FLRT3: variants seen among roughly 807,000 people sequenced by gnomAD.
FLRT3 encodes the protein fibronectin leucine rich transmembrane protein 3.
A neutral mutation model predicts 42.6 loss-of-function variants in FLRT3; 17 were observed. That is an observed-to-expected ratio of 0.40 (90% CI 0.27 to 0.60). FLRT3 has a LOEUF of 0.60. Among genes scored for constraint, FLRT3 ranks in the 20% least tolerant of loss-of-function variants. The pLI, the probability that FLRT3 is intolerant of heterozygous loss-of-function variation, is 0.44. For synonymous variants in FLRT3, 279 were observed against 286.4 expected (o/e 0.97, Z 0.26); for missense variants, 635 against 789.2 (o/e 0.80, Z 2.34).
chr20:14,328,549 G>T (rs940739363), intron 2 of FLRT3, among the ~76,000 whole-genome samples: 1 of 152,020 alleles, frequency 6.6e-6, no homozygotes, highest in Non-Finnish European at 1.5e-5. Context: ...GTAATTTTAG[G>T]CATGAAAATA....
rs2082707017 is a variant in FLRT3 at position 14,324,726 on chromosome 20, T to G, written c.*831A>C. On this transcript the variant is annotated 3_prime_UTR_variant, in exon 3 of 3. Coordinates refer to ENST00000341420, the MANE Select transcript of FLRT3 (RefSeq NM_198391.3). ...TGGTATAGGCAAAACCAAAATGCAG[T>G]TTTGGTATTTGTGTTCATTACACTA... 1 of 152,096 alleles carries G rather than the reference T, an allele frequency of 6.6e-6. No homozygotes were observed. Among genetic ancestry groups the G allele is most frequent in the African/African-American group, 2.4e-5 (1 of 41,422 alleles). 9.4% of individuals were successfully genotyped at this position (152,096 alleles called of 1,614,324 possible). A position where few individuals can be genotyped will look rare whatever the true frequency, so the allele number is the denominator to read the frequency against.
rs374171339 is a variant in FLRT3 at position 14,325,706 on chromosome 20, T to G, written c.1801A>C (p.Asn601His). Residue 601 changes from asparagine (N) to histidine (H), a missense_variant, in exon 3 of 3, where the codon AAT becomes CAT. Coordinates refer to ENST00000341420, the MANE Select transcript of FLRT3 (RefSeq NM_198391.3). ...ETSFQMLPISNEPISKEEFVI... is the reference protein window; with the variant it reads ...ETSFQMLPISHEPISKEEFVI... ...AACTCCTCCTTCGAGATGGGTTCATTGCTTATTGGTAACATCTGAAAAGAA... is the reference window on the plus strand; with the variant it reads ...AACTCCTCCTTCGAGATGGGTTCATGGCTTATTGGTAACATCTGAAAAGAA... The G allele has an allele frequency of 2.5e-6, 4 of 1,613,848 alleles. No homozygotes were observed. The African/African-American group carries it at 5.3e-5, about 22-fold the overall frequency.
chr20:14,336,622 C>T (rs775670912), intron 1 of FLRT3, among the ~76,000 whole-genome samples: 3 of 152,214 alleles, frequency 2.0e-5, no homozygotes, highest in Non-Finnish European at 4.4e-5. Flanking sequence ...TTTCCTGCTA[C>T]CCCAAACTCA....
rs2082711479 is a variant in FLRT3 at position 14,325,012 on chromosome 20, G to T, written c.*545C>A. 6.6e-6 allele frequency: 1 copy of T among 152,474 alleles called. No homozygotes were observed. The highest frequency in any genetic ancestry group is 2.4e-5 in the African/African-American group (1 of 41,402). 9.4% of individuals were successfully genotyped at this position (152,474 alleles called of 1,614,324 possible). A position where few individuals can be genotyped will look rare whatever the true frequency, so the allele number is the denominator to read the frequency against. ...TATTGCCCATTACTTCACACATTTT[G>T]ATTTATTGAATACCACTGGGATAAT... On this transcript the variant is annotated 3_prime_UTR_variant, in exon 3 of 3. Coordinates refer to ENST00000341420, the MANE Select transcript of FLRT3 (RefSeq NM_198391.3).
chr20:14,334,835 A>G (rs1421253065), intron 1 of FLRT3, among the ~76,000 whole-genome samples: 5 of 151,936 alleles, frequency 3.3e-5, no homozygotes, highest in Admixed American at 2.0e-4. Context: ...AAAAGAATAT[A>G]TAAGGGGATC....
rs1018839059 is a variant in FLRT3 at position 14,324,092 on chromosome 20, A to G, written c.*1465T>C. 1.3e-5 allele frequency: 2 copies of G among 152,572 alleles called. No individual in the cohort carries two copies. The highest frequency in any genetic ancestry group is 2.9e-5 in the Non-Finnish European group (2 of 68,026). The allele number at this position is 152,572 out of a possible 1,614,324, so 9.5% of individuals were successfully genotyped here. A position where few individuals can be genotyped will look rare whatever the true frequency, so the allele number is the denominator to read the frequency against. On this transcript the variant is annotated 3_prime_UTR_variant, in exon 3 of 3. Coordinates refer to ENST00000341420, the MANE Select transcript of FLRT3 (RefSeq NM_198391.3). ...GTGCTGGGCAATTTGCTACTTAGTG[A>G]TAGTAACACAATCCTGAAAAAGCAA...
rs2082716307 is a variant in FLRT3 at position 14,325,335 on chromosome 20, AG to A, written c.*221del. On this transcript the variant is annotated 3_prime_UTR_variant, in exon 3 of 3. Coordinates refer to ENST00000341420, the MANE Select transcript of FLRT3 (RefSeq NM_198391.3). Reference sequence around the variant, plus strand: ...AAATTACTAAAAAATACTAAAATATAGAATTGTGTTCAGGCATCTCCACTAC... The same window carrying A: ...AAATTACTAAAAAATACTAAAATATAAATTGTGTTCAGGCATCTCCACTAC... 2.4e-6 allele frequency: 1 copy of A among 410,586 alleles called. No homozygotes were observed. The highest frequency in any genetic ancestry group is 4.3e-6 in the Non-Finnish European group (1 of 234,726). The allele number at this position is 410,586 out of a possible 1,614,324, so 25.4% of individuals were successfully genotyped here.
At chr20:14,327,688 G>T (rs1381592652) in intron 2 of FLRT3, 130 bp from the exon 3 acceptor site, 1 of 635,200 alleles carries the variant, frequency 1.6e-6, no homozygotes. Context: ...TTGGGAGGGG[G>T]CATAATAGGG....
At chr20:14,337,297 A>C in intron 1 of FLRT3, 107 bp downstream of exon 1, 1 of 287,700 alleles carries the variant, frequency 3.5e-6, no homozygotes, top group Non-Finnish European at 6.4e-6. Context: ...TGACAGAGCA[A>C]ACGTTCCTAT....
At chr20:14,331,851 GAAAAGA>G (rs2082847781) in intron 1 of FLRT3, among the ~76,000 whole-genome samples, 2 of 152,154 alleles carry the variant, frequency 1.3e-5, no homozygotes, top group South Asian at 4.2e-4. Flanking sequence ...TGTCGATGAT[GAAAAGA>G]AAAATGACCC....
At position 14,326,580 on chromosome 20, in the gene FLRT3, G is replaced by A. The variant is rs762893918; in HGVS notation, c.927C>T (p.Cys309=). Residue 309 remains cysteine (C), a synonymous_variant, in exon 3 of 3, where the codon TGC becomes TGT. Transcript: ENST00000341420. This position sits in a 1 kb window ranked among gnomAD's most constrained non-coding sequence, Gnocchi z 5.5. The part of the protein sequence containing the change: ...QLILRNNPWY[C]GCKMKWVRDW... Reference sequence around the variant, plus strand: ...CACGTACCCATTTCATCTTGCACCCGCAATACCAGGGATTGTTGCGAAGAA... The same window carrying A: ...CACGTACCCATTTCATCTTGCACCCACAATACCAGGGATTGTTGCGAAGAA... 9.3e-6 allele frequency: 15 copies of A among 1,613,728 alleles called. No individual in the cohort carries two copies. The highest frequency in any genetic ancestry group is 2.2e-5 in the East Asian group (1 of 44,868).
At chr20:14,327,847 T>C (rs981833608) in intron 2 of FLRT3, among the ~76,000 whole-genome samples, 5 of 152,102 alleles carry the variant, frequency 3.3e-5, no homozygotes, top group Non-Finnish European at 7.4e-5. Context: ...TAATCCAAAG[T>C]ATTTTAATTA....
At chr20:14,336,347 T>C (rs1256729202) in intron 1 of FLRT3, among the ~76,000 whole-genome samples, 1 of 152,156 alleles carries the variant, frequency 6.6e-6, no homozygotes, top group African/African-American at 2.4e-5. Context: ...TTTTTTCTTT[T>C]AAATTCTAAA....
At position 14,327,226 on chromosome 20, in the gene FLRT3, C is replaced by T; in HGVS notation, c.281G>A (p.Ser94Asn). 1 of 1,613,644 alleles carries T rather than the reference C, an allele frequency of 6.2e-7. No homozygotes were observed. Among genetic ancestry groups the T allele is most frequent in the African/African-American group, 1.3e-5 (1 of 74,982 alleles). Reference sequence around the variant, plus strand: ...GAGGTTGGTAGGAAATTCATCTAAACTGTTGTGGTATAGGTATATTCTTTC... The same window carrying T: ...GAGGTTGGTAGGAAATTCATCTAAATTGTTGTGGTATAGGTATATTCTTTC... ...KVERIYLYHN[S>N]LDEFPTNLPK... The change falls in exon 3 of 3, where the codon AGT (serine) becomes AAT (asparagine). Residue 94 changes from serine to asparagine, a missense_variant. Transcript: ENST00000341420.
At chr20:14,336,234 T>C (rs1488541171) in intron 1 of FLRT3, among the ~76,000 whole-genome samples, 8 of 152,160 alleles carry the variant, frequency 5.3e-5, no homozygotes, top group African/African-American at 1.9e-4. Flanking sequence ...ATGAGCATTT[T>C]AGACAGATTT....
rs1489931159 is a variant in FLRT3, at chr20:14,326,420, T to A, written c.1087A>T (p.Thr363Ser). The change falls in exon 3 of 3, where the codon ACC (threonine) becomes TCC (serine). Residue 363 changes from threonine (T) to serine (S), a missense_variant. By Grantham distance (58) the Thr-to-Ser change is moderately conservative. Transcript: ENST00000341420. The surrounding 1 kb of genome is among the most constrained non-coding windows in gnomAD (Gnocchi z 5.5). The stretch of plus-strand genomic sequence containing the variant: ...GGTATTGCAGTGGTTATCTGAATGG[T>A]GCTTACAATCCCACTGTCCTTACAA... ...FDCKDSGIVS[T>S]IQITTAIPNT... The A allele has an allele frequency of 6.2e-7, 1 of 1,613,918 alleles. No individual in the cohort carries two copies. Among genetic ancestry groups the A allele is most frequent in the Non-Finnish European group, 8.5e-7 (1 of 1,179,890 alleles).
rs757294327 is a variant in FLRT3, at chr20:14,327,271, A to C, written c.236T>G (p.Leu79Trp). ...TCTTTCTACTTTCAGCAAGTTTTTCAAATCTGAAGGAATCCCAGCATTATT... is the reference window on the plus strand; with the variant it reads ...TCTTTCTACTTTCAGCAAGTTTTTCCAATCTGAAGGAATCCCAGCATTATT... Reference protein sequence around the residue: ...QINNAGIPSDLKNLLKVERIY... With the variant: ...QINNAGIPSDWKNLLKVERIY... The change falls in exon 3 of 3, where the codon TTG (leucine) becomes TGG (tryptophan). Residue 79 changes from leucine to tryptophan, a missense_variant. Transcript: ENST00000341420. 1 of 1,613,838 alleles carries C rather than the reference A, an allele frequency of 6.2e-7. No homozygotes were observed. Among genetic ancestry groups the C allele is most frequent in the South Asian group, 1.1e-5 (1 of 91,080 alleles).
chr20:14,335,761 T>C (rs1042046185), intron 1 of FLRT3, among the ~76,000 whole-genome samples: 1 of 152,130 alleles, frequency 6.6e-6, no homozygotes, highest in African/African-American at 2.4e-5. Flanking sequence ...ACTTGATGTG[T>C]TTTGGTTGTG....
At chr20:14,332,200 G>T (rs974251674) in intron 1 of FLRT3, among the ~76,000 whole-genome samples, 1 of 152,016 alleles carries the variant, frequency 6.6e-6, no homozygotes, top group African/African-American at 2.4e-5. Flanking sequence ...AATAAAAATT[G>T]TGGGGTTTTT....
Sources: gnomAD v4.1 joint callset for allele counts (sites outside exome capture counted in the v4.1 genomes callset) on GRCh38, gnomAD v4.1.1 for gene constraint, Gnocchi (gnomAD v3.1) non-coding constraint, MANE v1.5 for transcripts, NCBI Gene and HGNC (gene_info 2026-07-23, HGNC 2026-07-21) for gene names.